RFLNA: variants seen among roughly 807,000 people sequenced by gnomAD.
RFLNA encodes the protein refilin A, also known as refilin-A.
Under a neutral mutation model 7.8 loss-of-function variants are expected in RFLNA, and 5 were observed. That is an observed-to-expected ratio of 0.64 (90% confidence interval 0.34 to 1.35). The LOEUF (loss-of-function observed/expected upper bound fraction) is 1.35, where lower values mean the gene tolerates loss of function less well. RFLNA is among the 40% of genes most tolerant of loss of function. The pLI is 0.04. For missense variants in RFLNA, 278 were observed against 305.5 expected, an observed-to-expected ratio of 0.91 and a Z score of 0.67; for synonymous variants, 141 against 131.3, an observed-to-expected ratio of 1.07 and a Z score of -0.50.
At chr12:124,293,068 C>T (rs992983921), upstream of RFLNA, among the ~76,000 whole-genome samples, 9 of 152,052 alleles carry the variant, frequency 5.9e-5, no homozygotes, top group East Asian at 1.9e-4. Flanking sequence ...GGATTACAGG[C>T]GCCCGCCACC....
At chr12:124,304,233 G>A (rs1566325134) in intron 1 of RFLNA, among the ~76,000 whole-genome samples, 1 of 152,240 alleles carries the variant, frequency 6.6e-6, no homozygotes, top group Non-Finnish European at 1.5e-5. Context: ...TTGGTGTCCA[G>A]CCCTGCAGCT....
In RFLNA at chr12:124,302,554, C is replaced by T. The variant is rs555507218; in HGVS notation, c.207+6918C>T. Among the ~76,000 whole-genome samples, 58 of 152,216 alleles carry T rather than the reference C, an allele frequency of 3.8e-4. 1 individual carries two copies. Among genetic ancestry groups the T allele is most frequent in the Non-Finnish European group, 7.4e-5 (5 of 68,012 alleles). On this transcript the variant is annotated intron_variant, in intron 1 of 2. Coordinates refer to ENST00000546355, the MANE Select transcript of RFLNA (RefSeq NM_001365156.1). ...GGAGATCGAGAAAGACCCACCCCTG[C>T]CCCGGCCCCCTGCCCCAGGATTCGC... is the stretch of plus-strand genomic sequence containing the variant.
rs760206157 is a variant in RFLNA, at chr12:124,314,518, C to T, written c.644C>T (p.Thr215Met). ...DPAPSLLGPA[T>M]L ...GCCCCCAGCCTCCTGGGCCCTGCCA[C>T]GCTCTGACGGGGCTGGGGCCGGCCC... Residue 215 changes from threonine to methionine, a missense_variant, in exon 3 of 3, where the codon ACG becomes ATG. By Grantham distance (81) the Thr-to-Met change is moderately conservative (BLOSUM62 -1). Coordinates refer to ENST00000546355, the MANE Select transcript of RFLNA (RefSeq NM_001365156.1). The T allele has an allele frequency of 9.5e-6, 15 of 1,578,912 alleles. No individual in the cohort carries two copies. Among genetic ancestry groups the T allele is most frequent in the South Asian group, 4.5e-5 (4 of 89,412 alleles).
intron 1 of RFLNA, among the ~76,000 whole-genome samples, chr12:124,300,731 CATGGATGGATGGATGGATGGATGG>C (rs370958661): frequency 1.7e-5 from 2 of 115,570 alleles, no homozygotes; most frequent in African/African-American, 7.1e-5. Flanking sequence ...TGGATGGATG[CATGGATGGATGGATGGATGGATGG>C]ATGGATGGAT....
At position 124,314,192 on chromosome 12, in the gene RFLNA, C is replaced by A. The variant is rs1220896468; in HGVS notation, c.318C>A (p.Arg106=). ...KVNPEPTHEI[R]CNSEVKYASE... is the part of the protein sequence containing the mutation. Reference sequence around the variant, plus strand: ...TCCGCTTCCCTCCTGCCCTTTCCAGCTGCAACTCTGAGGTCAAGTACGCCT... The same window carrying A: ...TCCGCTTCCCTCCTGCCCTTTCCAGATGCAACTCTGAGGTCAAGTACGCCT... The change falls in exon 3 of 3, where the codon CGC becomes CGA. Residue 106 remains arginine (R), a splice_region_variant and synonymous_variant. Coordinates refer to ENST00000546355, the MANE Select transcript of RFLNA (RefSeq NM_001365156.1). 1.2e-6 allele frequency: 2 copies of A among 1,608,878 alleles called. No individual in the cohort carries two copies. The highest frequency in any genetic ancestry group is 1.7e-6 in the Non-Finnish European group (2 of 1,176,560).
At chr12:124,307,302 T>G (rs1296892661) in intron 1 of RFLNA, among the ~76,000 whole-genome samples, 1 of 152,182 alleles carries the variant, frequency 6.6e-6, no homozygotes, top group Non-Finnish European at 1.5e-5. Flanking sequence ...GGCTGCCCAC[T>G]GCTGGCAGCT....
upstream of RFLNA, among the ~76,000 whole-genome samples, chr12:124,292,291 C>T (rs137894930): frequency 3.3e-5 from 5 of 152,302 alleles, no homozygotes; most frequent in East Asian, 5.8e-4. Context: ...CTTCCTACAG[C>T]GCTGGGCCTG....
At chr12:124,303,227 C>A (rs1025998297) in intron 1 of RFLNA, among the ~76,000 whole-genome samples, 1 of 152,242 alleles carries the variant, frequency 6.6e-6, no homozygotes, top group Non-Finnish European at 1.5e-5. Flanking sequence ...TCCTCGCCGG[C>A]CTGTGGGCTA....
At chr12:124,309,607 G>A (rs1158003337) in intron 1 of RFLNA, among the ~76,000 whole-genome samples, 3 of 152,210 alleles carry the variant, frequency 2.0e-5, no homozygotes, top group Non-Finnish European at 2.9e-5. Context: ...AAAAATAGGC[G>A]GGTTATTTAA....
chr12:124,294,602 G>GCC (rs5801543), upstream of RFLNA, among the ~76,000 whole-genome samples: 1 of 152,128 alleles, frequency 6.6e-6, no homozygotes, highest in Non-Finnish European at 1.5e-5. Context: ...CGCCCCCGCC[G>GCC]CCCCCACCCA....
intron 1 of RFLNA, among the ~76,000 whole-genome samples, chr12:124,310,608 G>GT (rs199704314): frequency 5.4e-5 from 8 of 147,040 alleles, no homozygotes; most frequent in East Asian, 2.0e-4. Flanking sequence ...GCCACTTTCT[G>GT]TGAGGAGCAG....
At position 124,295,196 on chromosome 12, in the gene RFLNA, G is replaced by C. The variant is rs2033884011; in HGVS notation, c.-234G>C. Reference sequence around the variant, plus strand: ...GGCCCGGCGGGCGGGAGCCGCGGAGGGCGGAGGGCGGAGGGCGGCGGCGCT... The same window carrying C: ...GGCCCGGCGGGCGGGAGCCGCGGAGCGCGGAGGGCGGAGGGCGGCGGCGCT... On this transcript the variant is annotated 5_prime_UTR_variant, in exon 1 of 3. Coordinates refer to ENST00000546355, the MANE Select transcript of RFLNA (RefSeq NM_001365156.1). 2.0e-5 allele frequency: 3 copies of C among 148,930 alleles called. No individual in the cohort carries two copies. Among genetic ancestry groups the C allele is most frequent in the African/African-American group, 7.3e-5 (3 of 41,024 alleles). The allele number at this position is 148,930 out of a possible 1,614,324, so 9.2% of individuals were successfully genotyped here. A position where few individuals can be genotyped will look rare whatever the true frequency, so the allele number is the denominator to read the frequency against.
In RFLNA at chr12:124,295,489, G is replaced by T; in HGVS notation, c.60G>T (p.Glu20Asp). The T allele has an allele frequency of 7.9e-7, 1 of 1,269,534 alleles. No homozygotes were observed. Among genetic ancestry groups the T allele is most frequent in the Non-Finnish European group, 9.9e-7 (1 of 1,009,570 alleles). 78.6% of individuals were successfully genotyped at this position (1,269,534 alleles called of 1,614,324 possible). A position where few individuals can be genotyped will look rare whatever the true frequency, so the allele number is the denominator to read the frequency against. Residue 20 changes from glutamate (E) to aspartate (D), a missense_variant, in exon 1 of 3, where the codon GAG (glutamate) becomes GAT (aspartate). Coordinates refer to ENST00000546355, the MANE Select transcript of RFLNA (RefSeq NM_001365156.1). ...ACAGCCTGAAGGAGCAGGGCCGGGAGGGCTTGCTGGACAGCCCCGACTCCG... is the reference window on the plus strand; with the variant it reads ...ACAGCCTGAAGGAGCAGGGCCGGGATGGCTTGCTGGACAGCCCCGACTCCG... Reference protein sequence around the residue: ...MEDSLKEQGREGLLDSPDSGL... With the variant: ...MEDSLKEQGRDGLLDSPDSGL...
At chr12:124,290,183 T>C (rs1249101950), upstream of RFLNA, among the ~76,000 whole-genome samples, 2 of 152,230 alleles carry the variant, frequency 1.3e-5, no homozygotes, top group African/African-American at 4.8e-5. The surrounding 1 kb of genome is among the most constrained non-coding windows in gnomAD (Gnocchi z 4.0). Context: ...TTCTCTCGTC[T>C]TTTCTTCTTC....
chr12:124,312,792 TGCATATGAC>T (rs56289036), intron 2 of RFLNA, among the ~76,000 whole-genome samples: 149,519 of 152,188 alleles, frequency 0.98, 73,502 homozygotes, highest in Middle Eastern at 1. Context: ...TGCCCTCCCA[TGCATATGAC>T]GCATATGACA....
At chr12:124,295,659 A>G in intron 1 of RFLNA, 23 bp downstream of exon 1, 1 of 1,228,228 alleles carries the variant, frequency 8.1e-7, no homozygotes, top group East Asian at 3.2e-5. Flanking sequence ...TCTCTCTCCC[A>G]AACGGGGGAC....
intron 1 of RFLNA, among the ~76,000 whole-genome samples, chr12:124,299,984 A>C (rs192293785): frequency 1.3e-5 from 2 of 152,356 alleles, no homozygotes; most frequent in East Asian, 3.9e-4. Context: ...CCCTAAGTGA[A>C]TATGGGCAGT....
chr12:124,302,993 C>G (rs73223551), intron 1 of RFLNA, among the ~76,000 whole-genome samples: 111,146 of 152,058 alleles, frequency 0.73, 43,449 homozygotes, highest in Non-Finnish European at 0.88. Context: ...GGAGGGGGGG[C>G]TCTGGGTACC....
chr12:124,294,141 TGG>T (rs1281510097), upstream of RFLNA, among the ~76,000 whole-genome samples: 1 of 152,166 alleles, frequency 6.6e-6, no homozygotes, highest in Non-Finnish European at 1.5e-5. Context: ...GCCCTCAGTT[TGG>T]GGGTGTCCAA....
Sources: allele counts gnomAD v4.1 joint callset (sites outside exome capture counted in the v4.1 genomes callset), GRCh38; gene constraint gnomAD v4.1.1; non-coding constraint Gnocchi (gnomAD v3.1); transcripts MANE v1.5; gene names NCBI Gene and HGNC (gene_info 2026-07-23, HGNC 2026-07-21).